Variants in DVL1 observed in about 807,000 individuals in gnomAD.
The protein encoded by DVL1 is dishevelled segment polarity protein 1.
A neutral mutation model predicts 65.0 loss-of-function variants in DVL1; 49 were observed. The observed-to-expected ratio is 0.75, with a 90% CI of 0.60 to 0.96. DVL1 has a LOEUF of 0.96. Ranked by LOEUF, DVL1 falls within the 40% of genes least tolerant of loss-of-function variation. The pLI, the probability that DVL1 is intolerant of heterozygous loss-of-function variation, is 0.00. For synonymous variants in DVL1, 608 were observed against 433.9 expected (o/e 1.40, Z -4.99); for missense variants, 1,197 against 1,045.4 (o/e 1.15, Z -2.00).
At chr1:1,336,741 G>A (rs930393266) in intron 14 of DVL1, among the ~76,000 whole-genome samples, 42 of 152,320 alleles carry the variant, frequency 2.8e-4, no homozygotes, top group African/African-American at 9.9e-4. Context: ...AGGGTCCTGG[G>A]GCAAGCTGGG....
rs1021697382 is a variant in DVL1, at chr1:1,336,167, C to A, written c.2063G>T (p.Cys688Phe). Reference sequence around the variant, plus strand: ...TCACATGATGTCCACGAAGAACTCGCAGGGGTTCCCCATAGCCTTCTGGAA... The same window carrying A: ...TCACATGATGTCCACGAAGAACTCGAAGGGGTTCCCCATAGCCTTCTGGAA... ...QSFQKAMGNP[C>F]EFFVDIM The change falls in exon 15 of 15, where the codon TGC (cysteine) becomes TTC (phenylalanine). Residue 688 changes from cysteine (C) to phenylalanine (F), a missense_variant. Coordinates refer to ENST00000378888, the MANE Select transcript of DVL1 (RefSeq NM_001330311.2). 17 of 1,575,118 alleles carry A rather than the reference C, an allele frequency of 1.1e-5. No individual in the cohort carries two copies. The highest frequency in any genetic ancestry group is 1.5e-5 in the Non-Finnish European group (17 of 1,166,682).
At chr1:1,340,215 C>T (rs376606400) in intron 7 of DVL1, 32 bp downstream of exon 7, 7 of 1,613,746 alleles carry the variant, frequency 4.3e-6, no homozygotes, top group Non-Finnish European at 5.9e-6. Flanking sequence ...AAGCCCCTGC[C>T]CCTGCCCCCA....
chr1:1,348,033 C>T (rs980227808), intron 1 of DVL1, among the ~76,000 whole-genome samples: 2 of 152,174 alleles, frequency 1.3e-5, no homozygotes, highest in African/African-American at 4.8e-5. Flanking sequence ...ACAAGGACAC[C>T]GCTTGCCGGA....
intron 14 of DVL1, chr1:1,337,212 C>T (rs1643608340): frequency 2.1e-6 from 1 of 473,794 alleles, no homozygotes; most frequent in African/African-American, 2.1e-5. Flanking sequence ...CCCAGCGTGG[C>T]TTCTCTGCGG....
chr1:1,341,878 T>C, intron 4 of DVL1, 73 bp from the exon 5 acceptor site: 1 of 1,493,278 alleles, frequency 6.7e-7, no homozygotes, highest in Non-Finnish European at 9.0e-7. Flanking sequence ...GCCTGGGCAG[T>C]GCTGCATGCC....
Position 1,348,939 on chromosome 1 carries a change from G to A in DVL1, c.127C>T (p.His43Tyr). The A allele has an allele frequency of 1.3e-6, 2 of 1,573,734 alleles. No individual in the cohort carries two copies. The highest frequency in any genetic ancestry group is 2.4e-5 in the East Asian group (1 of 41,210). Residue 43 changes from histidine to tyrosine, a missense_variant, in exon 1 of 15, where the codon CAC becomes TAC. Transcript: ENST00000378888. ...GACTTAAAGAAGAATTTGTAGGCGT[G>A]CACGGGCCGGTTGCTGAGCACGTTC... ...FKNVLSNRPV[H>Y]AYKFFFKSMD...
chr1:1,347,112 G>A (rs1310380924), intron 1 of DVL1, among the ~76,000 whole-genome samples: 4 of 152,056 alleles, frequency 2.6e-5, no homozygotes, highest in African/African-American at 7.3e-5. Flanking sequence ...CCAGCCAGAG[G>A]ACCTGGGAGG....
In DVL1 at chr1:1,341,204, TGCACACAC is replaced by T. The variant is rs529163820; in HGVS notation, c.605+455_605+462del. On this transcript the variant is annotated intron_variant, in intron 5 of 14. Transcript: ENST00000378888. ...ACACGCACATCTGCACACGCACACC[TGCACACAC>T]GCACACGCACACATGCACACACCTG... Among the ~76,000 whole-genome samples, 339 of 150,140 alleles carry T rather than the reference TGCACACAC, an allele frequency of 2.3e-3. 3 individuals are homozygous for T. The highest frequency in any genetic ancestry group is 4.1e-4 in the Non-Finnish European group (28 of 67,576).
chr1:1,341,598 ATG>A lies in DVL1; in HGVS notation c.605+67_605+68del, dbSNP rs1288336911. On this transcript the variant is annotated intron_variant, in intron 5 of 14. Coordinates refer to ENST00000378888, the MANE Select transcript of DVL1 (RefSeq NM_001330311.2). ...ATGTGAAAACACCTCATGCAGACAC[ATG>A]CACATCATGTACAGACATTTGCAAG... 9 of 1,538,806 alleles carry A rather than the reference ATG, an allele frequency of 5.8e-6. No individual in the cohort carries two copies. In the African/African-American group the frequency reaches 6.9e-5, roughly 12 times the overall value.
chr1:1,338,723 C>G (rs973690028), intron 11 of DVL1, 70 bp from the exon 12 acceptor site: 1 of 1,552,834 alleles, frequency 6.4e-7, no homozygotes, highest in Admixed American at 1.8e-5. Flanking sequence ...CCTGCACCCC[C>G]AGGGGAGCCT....
rs973690028 is a variant in DVL1, at chr1:1,338,723, C to T, written c.1208-70G>A. 1.9e-6 allele frequency: 3 copies of T among 1,552,952 alleles called. No individual in the cohort carries two copies. The Admixed American group carries it at 5.5e-5, about 28-fold the overall frequency. On this transcript the variant is annotated intron_variant, in intron 11 of 14. Coordinates refer to ENST00000378888, the MANE Select transcript of DVL1 (RefSeq NM_001330311.2). The stretch of plus-strand genomic sequence containing the variant: ...CGGGGGACTCAGGGCCCTGCACCCC[C>T]AGGGGAGCCTCTGGGCAGAGCCTGC...
At chr1:1,339,462 T>C in intron 10 of DVL1, 23 bp from the exon 11 acceptor site, 2 of 1,539,156 alleles carry the variant, frequency 1.3e-6, no homozygotes, top group East Asian at 5.0e-5. Context: ...CACGTGGCGA[T>C]GACAGGCGGA....
chr1:1,342,703 G>A lies in DVL1; in HGVS notation c.226C>T (p.Arg76Cys), dbSNP rs1281147588. 1.3e-5 allele frequency: 21 copies of A among 1,613,030 alleles called. No homozygotes were observed. Among genetic ancestry groups the A allele is most frequent in the East Asian group, 2.2e-5 (1 of 44,868 alleles). The change falls in exon 2 of 15, where the codon CGC becomes TGC. Residue 76 changes from arginine (R) to cysteine (C), a missense_variant. By Grantham distance (180) the Arg-to-Cys change is radical. Coordinates refer to ENST00000378888, the MANE Select transcript of DVL1 (RefSeq NM_001330311.2). Reference sequence around the variant, plus strand: ...CAGGGGCTCACCCAGGAGACCACGCGGCCGTTGAAGCAGGGAAGCTTGGCA... The same window carrying A: ...CAGGGGCTCACCCAGGAGACCACGCAGCCGTTGAAGCAGGGAAGCTTGGCA... ...DNAKLPCFNG[R>C]VVSWLVLAEG...
intron 5 of DVL1, among the ~76,000 whole-genome samples, chr1:1,341,108 TGCACACGCAC>T (rs1643803930): frequency 8.0e-6 from 1 of 125,604 alleles, no homozygotes; most frequent in African/African-American, 3.2e-5. Flanking sequence ...TGCACACACC[TGCACACGCAC>T]GCCTGCACAT....
At chr1:1,348,850 C>G in intron 1 of DVL1, 46 bp downstream of exon 1, 6 of 1,448,708 alleles carry the variant, frequency 4.1e-6, no homozygotes, top group Non-Finnish European at 5.5e-6. Flanking sequence ...GCAGGTGCGA[C>G]CCCCGAGCCC....
At chr1:1,341,400 C>T (rs1288214910) in intron 5 of DVL1, among the ~76,000 whole-genome samples, 1 of 152,174 alleles carries the variant, frequency 6.6e-6, no homozygotes, top group African/African-American at 2.4e-5. Context: ...CACAGACACA[C>T]ATGCACAAGC....
In DVL1 at chr1:1,338,125, CAG is replaced by C; in HGVS notation, c.1564_1565del (p.Leu522GlyfsTer37). On this transcript the variant is annotated frameshift_variant, in exon 14 of 15. Transcript: ENST00000378888. LOFTEE classifies it high-confidence loss of function. ...GGGCAGCCGGGTGGGGCAGCGGGGC[CAG>C]CGTGTCCTGATCCGAAGTCCCACTG... is the stretch of plus-strand genomic sequence containing the variant. ...GSSGTSDQDT[L>X]APLPHPAAPW... 6.2e-7 allele frequency: 1 copy of C among 1,609,572 alleles called. No homozygotes were observed. The highest frequency in any genetic ancestry group is 2.2e-5 in the East Asian group (1 of 44,800).
rs373743034 is a variant in DVL1, at chr1:1,339,720, C to T, written c.986+16G>A. ...CCCTGCCTGGCCCCTCCCGCTCCAG[C>T]GCCCCCAGCCCTCACCCCGTCTGGG... is the stretch of plus-strand genomic sequence containing the variant. On this transcript the variant is annotated intron_variant, in intron 9 of 14. Coordinates refer to ENST00000378888, the MANE Select transcript of DVL1 (RefSeq NM_001330311.2). 25 of 1,612,878 alleles carry T rather than the reference C, an allele frequency of 1.6e-5. No homozygotes were observed. Among genetic ancestry groups the T allele is most frequent in the Middle Eastern group, 1.6e-4 (1 of 6,082 alleles).
Position 1,338,339 on chromosome 1 carries a change from G to A in DVL1, c.1437C>T (p.Phe479=), listed in dbSNP as rs1356519146. 4 of 1,612,560 alleles carry A rather than the reference G, an allele frequency of 2.5e-6. No individual in the cohort carries two copies. The highest frequency in any genetic ancestry group is 1.1e-5 in the South Asian group (1 of 91,082). The change falls in exon 13 of 15, where the codon TTC becomes TTT. Residue 479 remains phenylalanine, a synonymous_variant. Coordinates refer to ENST00000378888, the MANE Select transcript of DVL1 (RefSeq NM_001330311.2). ...TGATCTTGTTGACCGTGTGCCGCAGGAAGCCGTGCTTCAGCAAGCTGCTGG... is the reference window on the plus strand; with the variant it reads ...TGATCTTGTTGACCGTGTGCCGCAGAAAGCCGTGCTTCAGCAAGCTGCTGG... The part of the protein sequence containing the change: ...KYASSLLKHG[F]LRHTVNKITF...
Sources: gnomAD v4.1 joint callset for allele counts (sites outside exome capture counted in the v4.1 genomes callset) on GRCh38, gnomAD v4.1.1 for gene constraint, MANE v1.5 for transcripts, NCBI Gene and HGNC (gene_info 2026-07-23, HGNC 2026-07-21) for gene names.